Variants in RPS6KA3 observed in about 807,000 individuals in gnomAD.
RPS6KA3 encodes ribosomal protein S6 kinase A3, also known as ribosomal protein S6 kinase alpha-3.
In RPS6KA3, 4 loss-of-function variants were observed where a neutral mutation model predicts 67.2. The observed-to-expected ratio is 0.06, with a 90% confidence interval of 0.03 to 0.14. The LOEUF (loss-of-function observed/expected upper bound fraction) is 0.14, where lower values mean the gene tolerates loss of function less well. Among genes scored for constraint, RPS6KA3 ranks in the 10% least tolerant of loss-of-function variants. The pLI is 1.00. For synonymous variants in RPS6KA3, 182 were observed against 183.7 expected (o/e 0.99, Z 0.07); for missense variants, 204 against 559.0 (o/e 0.36, Z 6.40).
At chrX:20,167,203 ATG>A (rs2067464057) in intron 17 of RPS6KA3, among the ~76,000 whole-genome samples, 1 of 112,063 alleles carries the variant, frequency 8.9e-6, no homozygotes, top group South Asian at 3.7e-4. Context: ...CAGCCGAAGC[ATG>A]TGACTCCTTG....
intron 11 of RPS6KA3, 24 bp downstream of exon 11, chrX:20,176,972 A>C (rs2067715893): frequency 3.7e-6 from 4 of 1,080,895 alleles, no homozygotes; most frequent in Non-Finnish European, 5.2e-6. Flanking sequence ...CATACAACAT[A>C]AACAAATTAG....
intron 2 of RPS6KA3, among the ~76,000 whole-genome samples, chrX:20,233,591 TA>T (rs921520867): frequency 1.9e-5 from 2 of 105,490 alleles, no homozygotes; most frequent in African/African-American, 6.9e-5. Flanking sequence ...ACACAAACAT[TA>T]AAAAAAAAAT....
chrX:20,240,308 T>C (rs2069519394), intron 1 of RPS6KA3, among the ~76,000 whole-genome samples: 1 of 98,946 alleles, frequency 1.0e-5, no homozygotes. Context: ...TTTTTTTTTT[T>C]TTTTTACCAC....
intron 2 of RPS6KA3, among the ~76,000 whole-genome samples, chrX:20,221,912 T>C (rs967139244): frequency 8.9e-6 from 1 of 112,491 alleles, no homozygotes; most frequent in Non-Finnish European, 1.9e-5. Flanking sequence ...AGGAAGAACC[T>C]GAATAATAAG....
chrX:20,188,399 T>G, intron 8 of RPS6KA3, 98 bp downstream of exon 8: 1 of 493,802 alleles, frequency 2.0e-6, no homozygotes, highest in Non-Finnish European at 3.5e-6. Context: ...TTAATTTTAA[T>G]ACAGTGTATT....
At chrX:20,182,514 CTG>C (rs2067869404) in intron 10 of RPS6KA3, among the ~76,000 whole-genome samples, 1 of 112,300 alleles carries the variant, frequency 8.9e-6, no homozygotes, top group South Asian at 3.7e-4. Flanking sequence ...GTGACAGAGA[CTG>C]TGTGTGGCCC....
chrX:20,215,467 G>A (rs972080248), intron 2 of RPS6KA3, among the ~76,000 whole-genome samples: 2 of 111,698 alleles, frequency 1.8e-5, no homozygotes, highest in Non-Finnish European at 1.9e-5. Context: ...TCCTGAACAC[G>A]CTTTTCTGTT....
At chrX:20,187,793 C>CT (rs2068023526) in intron 9 of RPS6KA3, 35 bp downstream of exon 9, 4 of 1,147,565 alleles carry the variant, frequency 3.5e-6, no homozygotes, top group Admixed American at 4.4e-5. Context: ...TAACAATCTC[C>CT]TTCCCCTCTA....
intron 17 of RPS6KA3, among the ~76,000 whole-genome samples, chrX:20,167,017 C>A (rs139932189): frequency 9.0e-6 from 1 of 110,807 alleles, no homozygotes; most frequent in African/African-American, 3.3e-5. Context: ...TGCACCCGGC[C>A]GCCTTGTTTT....
Position 20,220,970 on chromosome X carries a change from G to T in RPS6KA3, c.127-11566C>A, listed in dbSNP as rs752821779. On this transcript the variant is annotated intron_variant, in intron 2 of 21. Transcript: ENST00000379565. The stretch of plus-strand genomic sequence containing the variant: ...ATTTTAAAAGGTCTTTACATCAAAA[G>T]GCACCAAAGTTAAAAGACTAGCTCA... Among the ~76,000 whole-genome samples, 6 of 111,865 alleles carry T rather than the reference G, an allele frequency of 5.4e-5. No homozygotes were observed. The East Asian group carries it at 8.4e-4, about 16-fold the overall frequency.
chrX:20,220,524 T>A (rs1041587704), intron 2 of RPS6KA3, among the ~76,000 whole-genome samples: 2 of 107,440 alleles, frequency 1.9e-5, no homozygotes, highest in South Asian at 3.7e-4. Context: ...GGAAAAAGCA[T>A]CATCTTTACT....
intron 21 of RPS6KA3, 93 bp from the exon 22 acceptor site, chrX:20,155,613 T>A: frequency 9.9e-7 from 1 of 1,005,831 alleles, no homozygotes. Context: ...TATGCAAATG[T>A]ACATAGATTT....
At chrX:20,191,708 C>A (rs2068134183) in intron 7 of RPS6KA3, among the ~76,000 whole-genome samples, 1 of 111,671 alleles carries the variant, frequency 9.0e-6, no homozygotes, top group South Asian at 3.7e-4. Flanking sequence ...GAGAAATATT[C>A]AAAATTCTTA....
chrX:20,248,345 T>C (rs1236178806), intron 1 of RPS6KA3, among the ~76,000 whole-genome samples: 1 of 112,691 alleles, frequency 8.9e-6, no homozygotes, highest in Non-Finnish European at 1.9e-5. Context: ...GCCTACAATA[T>C]GTCCCCATGA....
intron 2 of RPS6KA3, among the ~76,000 whole-genome samples, chrX:20,229,809 T>C (rs1249130503): frequency 8.9e-6 from 1 of 112,058 alleles, no homozygotes; most frequent in Non-Finnish European, 1.9e-5. Context: ...TAATCTGGAA[T>C]GATCTGCTCA....
intron 2 of RPS6KA3, among the ~76,000 whole-genome samples, chrX:20,220,206 A>G (rs1000298690): frequency 9.0e-6 from 1 of 111,505 alleles, no homozygotes; most frequent in Non-Finnish European, 1.9e-5. Context: ...GTTGAAGAGT[A>G]ACTAAAAAAA....
intron 1 of RPS6KA3, among the ~76,000 whole-genome samples, chrX:20,248,980 C>G (rs2069783928): frequency 9.0e-6 from 1 of 111,626 alleles, no homozygotes; most frequent in East Asian, 2.8e-4. Context: ...CCTTTACGAC[C>G]ACACTTCCCT....
chrX:20,212,295 C>T (rs1002010074), intron 2 of RPS6KA3, among the ~76,000 whole-genome samples: 1 of 111,171 alleles, frequency 9.0e-6, no homozygotes, highest in Non-Finnish European at 1.9e-5. Context: ...GTCAGGAGTT[C>T]GAGACCAGCC....
chrX:20,266,121 G>A (rs2070375603), intron 1 of RPS6KA3: 1 of 109,529 alleles, frequency 9.1e-6, no homozygotes, highest in African/African-American at 3.5e-5. Flanking sequence ...CCCCTCCCTC[G>A]GCTGGACTCG....
Sources: gnomAD v4.1 joint callset for allele counts (sites outside exome capture counted in the v4.1 genomes callset) on GRCh38, gnomAD v4.1.1 for gene constraint, MANE v1.5 for transcripts, NCBI Gene and HGNC (gene_info 2026-07-23, HGNC 2026-07-21) for gene names.